Variants in ZNF341 observed in about 807,000 individuals in gnomAD.
The protein encoded by ZNF341 is zinc finger protein 341.
Under a neutral mutation model 87.7 loss-of-function variants are expected in ZNF341, and 52 were observed. The ratio of observed to expected loss-of-function variants is 0.59; its 90% CI spans 0.47 to 0.75. The LOEUF is 0.75. Among genes scored for constraint, ZNF341 ranks in the 30% least tolerant of loss-of-function variants. The probability of loss-of-function intolerance (pLI) is 0.00; values close to 1 mark genes in which losing one functional copy is unlikely to be tolerated. For synonymous variants in ZNF341, 459 were observed against 472.7 expected (o/e 0.97, Z 0.38); for missense variants, 977 against 1,145.9 (o/e 0.85, Z 2.13).
chr20:33,748,849 C>A, intron 3 of ZNF341, 74 bp from the exon 4 acceptor site: 1 of 1,440,698 alleles, frequency 6.9e-7, no homozygotes, highest in Non-Finnish European at 9.5e-7. Context: ...TCCACACATG[C>A]ACACACGCAC....
intron 1 of ZNF341, among the ~76,000 whole-genome samples, chr20:33,735,965 A>G (rs980329450): frequency 9.2e-5 from 14 of 151,930 alleles, no homozygotes; most frequent in Middle Eastern, 3.4e-3. Context: ...CACCCGTCAT[A>G]ATTCCCTAGT....
intron 4 of ZNF341, among the ~76,000 whole-genome samples, chr20:33,751,179 C>G (rs1281597258): frequency 6.6e-6 from 1 of 152,110 alleles, no homozygotes; most frequent in Non-Finnish European, 1.5e-5. Flanking sequence ...CTGTTTTTTG[C>G]TTTTATGAAA....
chr20:33,758,767 C>A lies in ZNF341; in HGVS notation c.989C>A (p.Ser330Ter). Residue 330 changes from serine (S) to a stop codon, truncating the protein, a stop_gained, in exon 7 of 15, where the codon TCA becomes TAA. Coordinates refer to ENST00000375200, the MANE Select transcript of ZNF341 (RefSeq NM_001282933.2). LOFTEE classifies it high-confidence loss of function. ...CTCAAGTGCTCATACTGTGACAAGT[C>A]ATTCACCAAAAACTTTGACCTGCAG... ...QKLKCSYCDK[S>*]FTKNFDLQQH... 1.2e-6 allele frequency: 2 copies of A among 1,613,980 alleles called. No homozygotes were observed. The highest frequency in any genetic ancestry group is 2.2e-5 in the South Asian group (2 of 90,984).
chr20:33,783,100 G>A (rs1478123883), intron 11 of ZNF341, among the ~76,000 whole-genome samples: 3 of 152,070 alleles, frequency 2.0e-5, no homozygotes, highest in Admixed American at 2.0e-4. Flanking sequence ...GTTGCAGTGA[G>A]CCAAGATTGC....
intron 10 of ZNF341, among the ~76,000 whole-genome samples, chr20:33,773,750 G>A (rs2019572062): frequency 6.6e-6 from 1 of 152,110 alleles, no homozygotes; most frequent in Admixed American, 6.6e-5. Flanking sequence ...GCATGCAGTA[G>A]AAACCTCAAA....
At chr20:33,743,126 G>T (rs1305767399) in intron 2 of ZNF341, among the ~76,000 whole-genome samples, 1 of 151,454 alleles carries the variant, frequency 6.6e-6, no homozygotes, top group Admixed American at 6.6e-5. Context: ...CTGTCTCCTG[G>T]GTTCAAGTGA....
Position 33,757,295 on chromosome 20 carries a change from G to A in ZNF341, c.889G>A (p.Ala297Thr). 1 of 1,599,952 alleles carries A rather than the reference G, an allele frequency of 6.3e-7. No individual in the cohort carries two copies. The highest frequency in any genetic ancestry group is 8.5e-7 in the Non-Finnish European group (1 of 1,174,184). Residue 297 changes from alanine to threonine, a missense_variant, in exon 6 of 15, where the codon GCA becomes ACA. Coordinates refer to ENST00000375200, the MANE Select transcript of ZNF341 (RefSeq NM_001282933.2). Reference protein sequence around the residue: ...GGTVATFDSPATLKTRRAKGA... With the variant: ...GGTVATFDSPTTLKTRRAKGA... ...CACGGTGGCCACCTTTGACTCTCCA[G>A]CAACGCTGAAGACCCGACGAGCTAA...
intron 1 of ZNF341, among the ~76,000 whole-genome samples, chr20:33,736,761 C>G (rs1239926069): frequency 1.3e-5 from 2 of 152,148 alleles, no homozygotes; most frequent in Admixed American, 6.5e-5. Context: ...GATTTGCACA[C>G]AAATGCTAAA....
intron 4 of ZNF341, 107 bp downstream of exon 4, chr20:33,749,179 T>C: frequency 7.0e-7 from 1 of 1,427,556 alleles, no homozygotes; most frequent in Non-Finnish European, 9.3e-7. Flanking sequence ...CAGCTCTCCC[T>C]GATGCTGAGG....
rs575362284 is a variant in ZNF341, at chr20:33,747,430, A to G, written c.340-1493A>G. Among the ~76,000 whole-genome samples the G allele has an allele frequency of 2.9e-3, 410 of 139,308 alleles. 6 individuals are homozygous for G. The highest frequency in any genetic ancestry group is 4.5e-3 in the Non-Finnish European group (307 of 67,756). 91.4% of individuals were successfully genotyped at this position (139,308 alleles called of 152,430 possible). ...GGAGATCGAGACCATCCCGGCTAAA[A>G]CGGTGAAACCCCGTCTCTACTAAAA... is the stretch of plus-strand genomic sequence containing the variant. On this transcript the variant is annotated intron_variant, in intron 3 of 14. Transcript: ENST00000375200.
At chr20:33,760,631 C>T (rs2019271405) in intron 7 of ZNF341, among the ~76,000 whole-genome samples, 1 of 151,932 alleles carries the variant, frequency 6.6e-6, no homozygotes, top group Admixed American at 6.6e-5. Context: ...GCAGCCTCAA[C>T]CTCCCAGGCT....
At chr20:33,745,078 C>T (rs751331145) in intron 2 of ZNF341, 25 bp from the exon 3 acceptor site, 1 of 1,595,334 alleles carries the variant, frequency 6.3e-7, no homozygotes, top group South Asian at 1.1e-5. Flanking sequence ...GGCCTCTTCC[C>T]ACTACTCTGC....
chr20:33,752,827 AT>A (rs2019090565), intron 4 of ZNF341, among the ~76,000 whole-genome samples: 1 of 151,384 alleles, frequency 6.6e-6, no homozygotes, highest in African/African-American at 2.4e-5. Context: ...AATTTTTTGT[AT>A]TTTTAGTAGA....
chr20:33,741,053 C>A, intron 2 of ZNF341, 41 bp downstream of exon 2: 1 of 1,570,540 alleles, frequency 6.4e-7, no homozygotes, highest in Non-Finnish European at 8.8e-7. Context: ...GAGTGAATGG[C>A]TCCCCGCGAA....
Position 33,765,975 on chromosome 20 carries a change from C to T in ZNF341, c.1223-876C>T, listed in dbSNP as rs192148016. 2.9e-3 allele frequency among the ~76,000 whole-genome samples: 448 copies of T among 152,268 alleles called. 3 individuals are homozygous for T. Among genetic ancestry groups the T allele is most frequent in the Middle Eastern group, 3.4e-3 (1 of 294 alleles). On this transcript the variant is annotated intron_variant, in intron 8 of 14. Coordinates refer to ENST00000375200, the MANE Select transcript of ZNF341 (RefSeq NM_001282933.2). ...TTGGCTCACTGCGACCTCCACCTTC[C>T]GGGTTCAAGCAATTCTCCTGCCTCA...
In ZNF341 at chr20:33,783,776, C is replaced by T. The variant is rs146019427; in HGVS notation, c.1764C>T (p.His588=). Residue 588 remains histidine, a synonymous_variant, in exon 12 of 15, where the codon CAC becomes CAT. Coordinates refer to ENST00000375200, the MANE Select transcript of ZNF341 (RefSeq NM_001282933.2). ...ERYLRRHLPT[H]GSGGRFKCQV... is the part of the protein sequence containing the mutation. The stretch of plus-strand genomic sequence containing the variant: ...ACCTGCGGCGTCATCTGCCCACCCA[C>T]GGCAGCGGGGGCAGGTTCAAGTGCC... The T allele has an allele frequency of 2.0e-4, 317 of 1,613,816 alleles. No homozygotes were observed. The highest frequency in any genetic ancestry group is 9.7e-4 in the African/African-American group (73 of 74,960).
At chr20:33,745,323 A>G in intron 3 of ZNF341, 24 bp downstream of exon 3, 1 of 1,602,774 alleles carries the variant, frequency 6.2e-7, no homozygotes, top group Non-Finnish European at 8.5e-7. Context: ...TATTCATTCA[A>G]CATGTCTTTT....
intron 13 of ZNF341, among the ~76,000 whole-genome samples, 193 bp from the exon 14 acceptor site, chr20:33,789,325 G>A (rs1568596756): frequency 6.6e-6 from 1 of 152,108 alleles, no homozygotes; most frequent in Admixed American, 6.6e-5. Context: ...TTACAGGCGT[G>A]AGCCACTGTG....
intron 2 of ZNF341, among the ~76,000 whole-genome samples, chr20:33,744,596 T>C (rs908632237): frequency 6.6e-6 from 1 of 152,042 alleles, no homozygotes; most frequent in African/African-American, 2.4e-5. Flanking sequence ...TGTGTGGTTT[T>C]TTTTCTTTTT....
Sources: allele counts gnomAD v4.1 joint callset (sites outside exome capture counted in the v4.1 genomes callset), GRCh38; gene constraint gnomAD v4.1.1; transcripts MANE v1.5; gene names NCBI Gene and HGNC (gene_info 2026-07-23, HGNC 2026-07-21).